Variants in HEATR1 observed in about 807,000 individuals in gnomAD.
HEATR1 encodes the protein HEAT repeat containing 1.
HEATR1 carries 77 observed loss-of-function variants against 248.2 expected under a neutral mutation model. The observed-to-expected ratio is 0.31, with a 90% confidence interval of 0.26 to 0.37. HEATR1 has a LOEUF of 0.37. HEATR1 is among the 10% of genes least tolerant of loss of function. HEATR1 has a pLI of 1.00. For synonymous variants in HEATR1, 897 were observed against 923.1 expected (o/e 0.97, Z 0.51); for missense variants, 2,420 against 2,504.9 (o/e 0.97, Z 0.72).
chr1:236,601,044 A>C (rs1664309374), intron 3 of HEATR1, among the ~76,000 whole-genome samples: 1 of 152,166 alleles, frequency 6.6e-6, no homozygotes, highest in African/African-American at 2.4e-5. Flanking sequence ...TGAAAAATCA[A>C]ATGCAAAAAG....
At position 236,574,738 on chromosome 1, in the gene HEATR1, T is replaced by G; in HGVS notation, c.3250A>C (p.Ile1084Leu). ...LLNEDPKSLD[I>L]FIKAVHTTKE... ...GTTGTGTGCACAGCTTTTATAAATA[T>G]ATCTAGACTCTTCGGATCCTCATTT... Residue 1084 changes from isoleucine (I) to leucine (L), a missense_variant, in exon 23 of 45, where the codon ATA (isoleucine) becomes CTA (leucine). Transcript: ENST00000366582. The G allele has an allele frequency of 6.2e-7, 1 of 1,613,876 alleles. No individual in the cohort carries two copies. The highest frequency in any genetic ancestry group is 8.5e-7 in the Non-Finnish European group (1 of 1,179,778).
rs528979514 is a variant in HEATR1 at position 236,594,761 on chromosome 1, A to G, written c.1091-647T>C. ...AAATGTTTCTTCCTAGCCTTTCTGT[A>G]TTTATTAAAAGACATAATGCAAATA... On this transcript the variant is annotated intron_variant, in intron 8 of 44. Transcript: ENST00000366582. Among the ~76,000 whole-genome samples the G allele has an allele frequency of 5.3e-5, 8 of 152,270 alleles. No homozygotes were observed. In the East Asian group the frequency reaches 1.2e-3, roughly 22 times the overall value.
intron 37 of HEATR1, among the ~76,000 whole-genome samples, chr1:236,556,926 GAAA>G (rs1260147795): frequency 1.3e-5 from 2 of 151,456 alleles, no homozygotes; most frequent in Admixed American, 6.6e-5. Flanking sequence ...TCTCACAGAA[GAAA>G]AAAAAGCCAG....
At chr1:236,586,494 A>G in intron 14 of HEATR1, 42 bp from the exon 15 acceptor site, 1 of 1,451,198 alleles carries the variant, frequency 6.9e-7, no homozygotes, top group Non-Finnish European at 9.6e-7. Flanking sequence ...GACACATTGG[A>G]AGGCTTCAAT....
In HEATR1 at chr1:236,576,276, A is replaced by C; in HGVS notation, c.3027T>G (p.Ser1009Arg). 1 of 1,610,544 alleles carries C rather than the reference A, an allele frequency of 6.2e-7. No individual in the cohort carries two copies. Among genetic ancestry groups the C allele is most frequent in the Non-Finnish European group, 8.5e-7 (1 of 1,178,876 alleles). Residue 1009 changes from serine to arginine, a missense_variant, in exon 22 of 45, where the codon AGT becomes AGG. Ser to Arg is a moderately radical substitution (Grantham distance 110). Transcript: ENST00000366582. ...AATCTTTTGCTATATAAGATGGGCAACTATACACACAACTAAGTAAGTTTT... is the reference window on the plus strand; with the variant it reads ...AATCTTTTGCTATATAAGATGGGCACCTATACACACAACTAAGTAAGTTTT... ...TLKNLLSCVY[S>R]CPSYIAKDLM...
Position 236,588,060 on chromosome 1 carries a change from A to C in HEATR1, c.1531-17T>G. The C allele has an allele frequency of 6.3e-7, 1 of 1,593,204 alleles. No homozygotes were observed. The highest frequency in any genetic ancestry group is 8.6e-7 in the Non-Finnish European group (1 of 1,167,660). ...AACACCCTCCTGAGCAATAAAAGAA[A>C]AACATTAATTTAGCTGTTGCCAAAA... On this transcript the variant is annotated splice_polypyrimidine_tract_variant and intron_variant, in intron 12 of 44. Transcript: ENST00000366582.
chr1:236,585,395 G>A (rs552704224), intron 16 of HEATR1, among the ~76,000 whole-genome samples, 179 bp from the exon 17 acceptor site: 2 of 152,160 alleles, frequency 1.3e-5, no homozygotes, highest in African/African-American at 4.8e-5. Context: ...TTCAGAAACT[G>A]TAATGAACAT....
At chr1:236,566,134 G>T in intron 30 of HEATR1, 89 bp from the exon 31 acceptor site, 1 of 1,288,946 alleles carries the variant, frequency 7.8e-7, no homozygotes, top group Admixed American at 2.1e-5. Context: ...ATTTCTAGCA[G>T]AACAGAGTAT....
At chr1:236,603,460 C>T in intron 2 of HEATR1, 84 bp from the exon 3 acceptor site, 3 of 1,061,072 alleles carry the variant, frequency 2.8e-6, no homozygotes, top group Admixed American at 4.1e-5. Context: ...TTACTTACCC[C>T]TAAGAAGTTT....
At chr1:236,592,371 A>C in intron 10 of HEATR1, 152 bp downstream of exon 10, 1 of 589,342 alleles carries the variant, frequency 1.7e-6, no homozygotes, top group Non-Finnish European at 3.1e-6. Context: ...TATTTCAAAT[A>C]TTTTTGATTC....
intron 33 of HEATR1, among the ~76,000 whole-genome samples, chr1:236,560,842 T>C (rs999879525): frequency 5.9e-5 from 9 of 152,200 alleles, no homozygotes; most frequent in African/African-American, 1.9e-4. Flanking sequence ...CTCAATACAA[T>C]ACACAGACTT....
chr1:236,581,466 G>C, intron 19 of HEATR1, 52 bp from the exon 20 acceptor site: 10 of 1,310,198 alleles, frequency 7.6e-6, no homozygotes, highest in Non-Finnish European at 1.0e-5. Context: ...AAATAAGCTG[G>C]TTCCAAATCC....
Position 236,554,846 on chromosome 1 carries a change from T to C in HEATR1, c.5924-94A>G, listed in dbSNP as rs1177908790. 4.9e-5 allele frequency: 53 copies of C among 1,086,228 alleles called. 1 individual carries two copies. The highest frequency in any genetic ancestry group is 6.8e-5 in the Non-Finnish European group (51 of 750,638). 67.3% of individuals were successfully genotyped at this position (1,086,228 alleles called of 1,614,324 possible). A position where few individuals can be genotyped will look rare whatever the true frequency, so the allele number is the denominator to read the frequency against. ...TGAAATCACTATTAAAATAACTAAA[T>C]CAGAAGAGTCTAAAATGATCTAGAA... On this transcript the variant is annotated intron_variant, in intron 41 of 44. Transcript: ENST00000366582.
intron 28 of HEATR1, 54 bp from the exon 29 acceptor site, chr1:236,569,178 T>A: frequency 6.8e-7 from 1 of 1,471,446 alleles, no homozygotes; most frequent in Non-Finnish European, 9.2e-7. Flanking sequence ...TTCTACTAAT[T>A]TTTTTTTCAA....
intron 24 of HEATR1, 132 bp from the exon 25 acceptor site, chr1:236,572,960 C>T (rs967251979): frequency 6.6e-5 from 52 of 792,204 alleles, no homozygotes; most frequent in Non-Finnish European, 8.4e-5. Flanking sequence ...CATCTGAACC[C>T]CCCCCAGCAT....
At chr1:236,598,734 A>C (rs1664240272) in intron 4 of HEATR1, among the ~76,000 whole-genome samples, 1 of 152,188 alleles carries the variant, frequency 6.6e-6, no homozygotes, top group African/African-American at 2.4e-5. Context: ...CACTACCATC[A>C]TCAGCCTAAT....
chr1:236,594,136 T>A, intron 8 of HEATR1, 22 bp from the exon 9 acceptor site: 12 of 1,456,498 alleles, frequency 8.2e-6, no homozygotes, highest in Non-Finnish European at 1.1e-5. Context: ...AAAATTAAAA[T>A]TGTGTTGGGA....
chr1:236,579,468 T>C (rs183318719), intron 20 of HEATR1, among the ~76,000 whole-genome samples: 8 of 152,316 alleles, frequency 5.3e-5, no homozygotes, highest in African/African-American at 1.7e-4. Flanking sequence ...AAATAAAATA[T>C]ATGTACCTTT....
At chr1:236,598,773 C>T (rs1572055075) in intron 4 of HEATR1, among the ~76,000 whole-genome samples, 1 of 152,286 alleles carries the variant, frequency 6.6e-6, no homozygotes, top group East Asian at 1.9e-4. Flanking sequence ...TGTTAGCTTA[C>T]CTTCATCCCC....
Sources: allele counts gnomAD v4.1 joint callset (sites outside exome capture counted in the v4.1 genomes callset), GRCh38; gene constraint gnomAD v4.1.1; transcripts MANE v1.5; gene names NCBI Gene and HGNC (gene_info 2026-07-23, HGNC 2026-07-21).